DEFB110: variants seen among roughly 807,000 people sequenced by gnomAD.
The protein encoded by DEFB110 is defensin beta 110, also known as beta-defensin 110.
A neutral mutation model predicts 2.5 loss-of-function variants in DEFB110; 4 were observed. That is an observed-to-expected ratio of 1.60 (90% CI 0.79 to 3.66). The LOEUF is 3.66. Among genes scored for constraint, DEFB110 ranks in the 30% most tolerant of loss-of-function variants. The pLI is 0.01. For missense variants in DEFB110, 94 were observed against 75.4 expected (o/e 1.25, Z -0.91); for synonymous variants, 29 against 21.8 (o/e 1.33, Z -0.92).
intron 1 of DEFB110, among the ~76,000 whole-genome samples, chr6:50,020,730 A>G (rs1352770945): frequency 2.6e-5 from 4 of 152,186 alleles, no homozygotes; most frequent in South Asian, 4.1e-4. Context: ...TTTCTTCTCA[A>G]TGTAACCAAA....
rs575653013 is a variant in DEFB110, at chr6:50,011,447, G to A, written c.56-2176C>T. On this transcript the variant is annotated intron_variant, in intron 1 of 1. Coordinates refer to the DEFB110 transcript ENST00000393660. Reference sequence around the variant, plus strand: ...ATTCAAATGCTAGTTTGGGGCCTTAGTCAGGAGAATATATTCCAGAAGGTT... The same window carrying A: ...ATTCAAATGCTAGTTTGGGGCCTTAATCAGGAGAATATATTCCAGAAGGTT... Among the ~76,000 whole-genome samples the A allele has an allele frequency of 2.0e-5, 3 of 152,136 alleles. No homozygotes were observed. In the South Asian group the frequency reaches 6.2e-4, roughly 32 times the overall value.
intron 1 of DEFB110, 91 bp from the exon 2 acceptor site, chr6:50,019,216 A>C: frequency 7.2e-7 from 1 of 1,388,844 alleles, no homozygotes; most frequent in Admixed American, 2.2e-5. Flanking sequence ...AAAAGATTAT[A>C]GAGTGAAAAT....
chr6:50,018,013 G>A (rs1287208911), downstream of DEFB110, among the ~76,000 whole-genome samples: 2 of 151,996 alleles, frequency 1.3e-5, no homozygotes, highest in Admixed American at 6.6e-5. Flanking sequence ...TATTGACAAT[G>A]TTTCTTAAGA....
chr6:50,010,299 C>T (rs1336358743), intron 1 of DEFB110, among the ~76,000 whole-genome samples: 1 of 151,702 alleles, frequency 6.6e-6, no homozygotes, highest in African/African-American at 2.4e-5. Context: ...GTTAATAGAA[C>T]CTAATTGTCT....
At chr6:50,021,433 T>C (rs913284511) in intron 1 of DEFB110, among the ~76,000 whole-genome samples, 6 of 152,184 alleles carry the variant, frequency 3.9e-5, no homozygotes, top group Non-Finnish European at 8.8e-5. Flanking sequence ...ATTTCTGCCT[T>C]CAAATACATT....
chr6:50,016,976 T>C (rs1774330375), downstream of DEFB110, among the ~76,000 whole-genome samples: 1 of 151,682 alleles, frequency 6.6e-6, no homozygotes, highest in Non-Finnish European at 1.5e-5. Context: ...AGAAAATCTC[T>C]CATCTTCTTG....
chr6:50,011,460 A>G (rs1463645047), intron 1 of DEFB110, among the ~76,000 whole-genome samples: 1 of 152,066 alleles, frequency 6.6e-6, no homozygotes, highest in Admixed American at 6.6e-5. Context: ...AGGAGAATAT[A>G]TTCCAGAAGG....
rs368447460 is a variant in DEFB110 at position 50,018,930 on chromosome 6, C to T, written c.*47G>A. ...AGGATGTGCTGGGAAAACTTAATAA[C>T]GCTGGTCTCTCTTCTTGGAGCTTGT... On this transcript the variant is annotated 3_prime_UTR_variant, in exon 2 of 2. Coordinates refer to ENST00000371148, the MANE Select transcript of DEFB110 (RefSeq NM_001037497.2). 1.9e-3 allele frequency: 2,942 copies of T among 1,571,984 alleles called. 49 individuals carry two copies. In the South Asian group the frequency reaches 0.023, roughly 12 times the overall value.
At chr6:50,018,737 C>A, downstream of DEFB110, 1 of 1,068,322 alleles carries the variant, frequency 9.4e-7, no homozygotes, top group Non-Finnish European at 1.2e-6. Context: ...GCACTGAAAA[C>A]TTGAGGAACT....
intron 1 of DEFB110, 133 bp from the exon 2 acceptor site, chr6:50,019,258 A>C: frequency 3.3e-6 from 3 of 898,792 alleles, no homozygotes; most frequent in Non-Finnish European, 5.0e-6. Context: ...AGTTTAAGTG[A>C]ATTTACTGTC....
Position 50,018,992 on chromosome 6 carries a change from G to A in DEFB110, c.189C>T (p.Cys63=). ...IAYCIRPGTH[C]CLQQ ...TCTGTCATCGTTACTGCTGCAAGCAGCAATGAGTTCCAGGTCTTATGCAGT... is the reference window on the plus strand; with the variant it reads ...TCTGTCATCGTTACTGCTGCAAGCAACAATGAGTTCCAGGTCTTATGCAGT... Residue 63 remains cysteine, a synonymous_variant, in exon 2 of 2, where the codon TGC becomes TGT. Transcript: ENST00000371148. 5 of 1,611,344 alleles carry A rather than the reference G, an allele frequency of 3.1e-6. No homozygotes were observed. Among genetic ancestry groups the A allele is most frequent in the Non-Finnish European group, 4.2e-6 (5 of 1,178,796 alleles).
intron 1 of DEFB110, among the ~76,000 whole-genome samples, chr6:50,011,238 A>G (rs954688667): frequency 2.0e-5 from 3 of 151,910 alleles, no homozygotes; most frequent in African/African-American, 7.2e-5. Flanking sequence ...TGAATGCTAT[A>G]CAAATGTCAT....
intron 1 of DEFB110, 45 bp from the exon 2 acceptor site, chr6:50,019,170 C>A (rs1179733891): frequency 7.0e-6 from 11 of 1,576,182 alleles, no homozygotes; most frequent in Non-Finnish European, 8.6e-6. Flanking sequence ...CTAGCTATGA[C>A]ACATCCATGT....
intron 1 of DEFB110, among the ~76,000 whole-genome samples, chr6:50,010,594 T>A (rs1016174890): frequency 2.0e-5 from 3 of 150,718 alleles, no homozygotes; most frequent in Non-Finnish European, 3.0e-5. Flanking sequence ...ATATATATAT[T>A]TGACATGTAA....
At chr6:50,021,529 G>A (rs1309214512) in intron 1 of DEFB110, among the ~76,000 whole-genome samples, 5 of 152,078 alleles carry the variant, frequency 3.3e-5, no homozygotes, top group Admixed American at 6.5e-5. Context: ...ATCACTTTTT[G>A]TTATGATATT....
At chr6:50,014,987 A>C (rs923301807), downstream of DEFB110, among the ~76,000 whole-genome samples, 2 of 151,856 alleles carry the variant, frequency 1.3e-5, no homozygotes, top group Non-Finnish European at 2.9e-5. Flanking sequence ...TCTATTTGAT[A>C]TGACAAACTC....
rs1774425975 is a variant in DEFB110, at chr6:50,021,959, G to A, written c.-24C>T. The A allele has an allele frequency of 6.5e-7, 1 of 1,530,360 alleles. No homozygotes were observed. The highest frequency in any genetic ancestry group is 1.4e-5 in the African/African-American group (1 of 69,722). 94.8% of individuals were successfully genotyped at this position (1,530,360 alleles called of 1,614,324 possible). ...ATGGTAGAGAGTTTCTTAAAAAAAGGGGGCAACAGACCTCCTTTTTCAAGT... is the reference window on the plus strand; with the variant it reads ...ATGGTAGAGAGTTTCTTAAAAAAAGAGGGCAACAGACCTCCTTTTTCAAGT... On this transcript the variant is annotated 5_prime_UTR_variant, in exon 1 of 2. Coordinates refer to ENST00000371148, the MANE Select transcript of DEFB110 (RefSeq NM_001037497.2).
At chr6:50,016,819 G>T (rs567166082), downstream of DEFB110, among the ~76,000 whole-genome samples, 25 of 151,802 alleles carry the variant, frequency 1.6e-4, no homozygotes, top group African/African-American at 5.8e-4. Context: ...GCAGAGGCTG[G>T]TGGCTTAAAT....
At chr6:50,009,454 C>T (rs1301613559) in intron 1 of DEFB110, among the ~76,000 whole-genome samples, 1 of 152,138 alleles carries the variant, frequency 6.6e-6, no homozygotes, top group Non-Finnish European at 1.5e-5. Context: ...GAGCTACTAA[C>T]ATTATACTTG....
Sources: allele counts gnomAD v4.1 joint callset (sites outside exome capture counted in the v4.1 genomes callset), GRCh38; gene constraint gnomAD v4.1.1; transcripts MANE v1.5; gene names NCBI Gene and HGNC (gene_info 2026-07-23, HGNC 2026-07-21).